The following SLC35D4 variants were observed in gnomAD, a reference collection of about 807,000 sequenced individuals.
The protein encoded by SLC35D4 is UDP-N-acetylglucosamine transporter SLC35D4.
the SLC35D4 span, among the ~76,000 whole-genome samples, chr18:23,434,666 C>T: frequency 3.9e-5 from 6 of 152,004 alleles, no homozygotes; most frequent in East Asian, 1.9e-4. Context: ...TGGTGGCGCA[C>T]GCCTGTAGTC....
chr18:23,408,204 T>G, the SLC35D4 span, among the ~76,000 whole-genome samples: 1 of 151,818 alleles, frequency 6.6e-6, no homozygotes, highest in South Asian at 2.1e-4. Context: ...CCTGGCTATA[T>G]TCTCCACATG....
At chr18:23,274,464 T>G in the SLC35D4 span, among the ~76,000 whole-genome samples, 1 of 152,362 alleles carries the variant, frequency 6.6e-6, no homozygotes, top group East Asian at 1.9e-4. Flanking sequence ...CAAGGTGAGA[T>G]GTACTGCCTG....
the SLC35D4 span, among the ~76,000 whole-genome samples, chr18:23,415,102 ACT>A: frequency 3.3e-5 from 5 of 152,120 alleles, no homozygotes; most frequent in Non-Finnish European, 5.9e-5. Context: ...ACAGAGCAAG[ACT>A]CTGTCTCTAA....
At chr18:23,419,387 G>A in the SLC35D4 span, among the ~76,000 whole-genome samples, 1 of 151,964 alleles carries the variant, frequency 6.6e-6, no homozygotes, top group East Asian at 1.9e-4. Flanking sequence ...CCGCCTCCTG[G>A]GTTCAAGCGA....
the SLC35D4 span, among the ~76,000 whole-genome samples, chr18:23,411,225 G>A: frequency 6.9e-6 from 1 of 145,758 alleles, no homozygotes; most frequent in Admixed American, 7.0e-5. Flanking sequence ...AGAGGGGAGG[G>A]GAGGGAAGGG....
the SLC35D4 span, chr18:23,370,320 C>T: frequency 6.3e-7 from 1 of 1,574,810 alleles, no homozygotes; most frequent in African/African-American, 1.4e-5. Context: ...AGCTGCTGGC[C>T]TGTCCGGGGA....
chr18:23,251,631 A>G, the SLC35D4 span, among the ~76,000 whole-genome samples: 1 of 152,206 alleles, frequency 6.6e-6, no homozygotes, highest in African/African-American at 2.4e-5. Context: ...AAAGGACTCC[A>G]AGGATCCTTT....
At chr18:23,248,189 G>C in the SLC35D4 span, among the ~76,000 whole-genome samples, 1 of 152,362 alleles carries the variant, frequency 6.6e-6, no homozygotes, top group East Asian at 1.9e-4. Flanking sequence ...AGGGAGTGTG[G>C]CGCAGGGGCA....
chr18:23,288,552 G>GC, the SLC35D4 span, among the ~76,000 whole-genome samples: 185 of 149,222 alleles, frequency 1.2e-3, no homozygotes, highest in African/African-American at 3.8e-3. Flanking sequence ...TCAGGGATTT[G>GC]CCCCCCCGCC....
the SLC35D4 span, among the ~76,000 whole-genome samples, chr18:23,428,060 C>G: frequency 6.6e-6 from 1 of 151,990 alleles, no homozygotes; most frequent in Non-Finnish European, 1.5e-5. Context: ...AGGAGATACA[C>G]CTAATGTAAA....
chr18:23,264,307 C>A, the SLC35D4 span, among the ~76,000 whole-genome samples: 173 of 148,838 alleles, frequency 1.2e-3, 2 homozygotes, highest in South Asian at 0.013. Flanking sequence ...GCACGCTACA[C>A]AGCAAAACAG....
the SLC35D4 span, among the ~76,000 whole-genome samples, chr18:23,416,610 G>T: frequency 6.6e-6 from 1 of 152,174 alleles, no homozygotes; most frequent in Non-Finnish European, 1.5e-5. Flanking sequence ...AGGGCCATGG[G>T]AACTGGAAAT....
At chr18:23,372,527 C>T in the SLC35D4 span, among the ~76,000 whole-genome samples, 1 of 152,196 alleles carries the variant, frequency 6.6e-6, no homozygotes, top group Non-Finnish European at 1.5e-5. Context: ...ACCTTTTGGG[C>T]CTCCTTATTC....
At chr18:23,314,474 A>G in the SLC35D4 span, among the ~76,000 whole-genome samples, 1 of 152,172 alleles carries the variant, frequency 6.6e-6, no homozygotes. Flanking sequence ...GGGGGCTACT[A>G]AGTGCTCTGA....
chr18:23,406,390 A>G, the SLC35D4 span, among the ~76,000 whole-genome samples: 1 of 152,192 alleles, frequency 6.6e-6, no homozygotes, highest in Middle Eastern at 3.2e-3. Context: ...TACAGTGGAA[A>G]GAATGTGACC....
chr18:23,434,639 C>T, the SLC35D4 span, among the ~76,000 whole-genome samples: 1 of 151,910 alleles, frequency 6.6e-6, no homozygotes, highest in African/African-American at 2.4e-5. Context: ...AAAAAAAATA[C>T]AAAAATTAGC....
At chr18:23,344,969 T>C in the SLC35D4 span, among the ~76,000 whole-genome samples, 1 of 152,204 alleles carries the variant, frequency 6.6e-6, no homozygotes, top group Admixed American at 6.5e-5. Flanking sequence ...TTTTATCAAT[T>C]ATTTTATGAC....
chr18:23,254,829 C>T, the SLC35D4 span, among the ~76,000 whole-genome samples: 3 of 152,198 alleles, frequency 2.0e-5, no homozygotes, highest in African/African-American at 7.2e-5. Context: ...GCCCCATCTC[C>T]TAATACCATC....
At chr18:23,383,247 A>T in the SLC35D4 span, among the ~76,000 whole-genome samples, 1 of 151,904 alleles carries the variant, frequency 6.6e-6, no homozygotes, top group East Asian at 1.9e-4. Flanking sequence ...TGTGGATGAG[A>T]TTTTCCAGAA....
Sources: allele counts gnomAD v4.1 joint callset (sites outside exome capture counted in the v4.1 genomes callset), GRCh38; gene constraint gnomAD v4.1.1; transcripts MANE v1.5; gene names NCBI Gene and HGNC (gene_info 2026-07-23, HGNC 2026-07-21).